ITIH6: variants seen among roughly 807,000 people sequenced by gnomAD.
ITIH6 encodes inter-alpha-trypsin inhibitor heavy chain H6.
In ITIH6, 60 loss-of-function variants were observed where a neutral mutation model predicts 58.2. The ratio of observed to expected loss-of-function variants is 1.03; its 90% CI spans 0.84 to 1.28. The LOEUF (loss-of-function observed/expected upper bound fraction) is 1.28, where lower values mean the gene tolerates loss of function less well. Among genes scored for constraint, ITIH6 ranks in the 50% most tolerant of loss-of-function variants. The pLI, the probability that ITIH6 is intolerant of heterozygous loss-of-function variation, is 0.00. For missense variants in ITIH6, 1,290 were observed against 1,021.1 expected, an observed-to-expected ratio of 1.26 and a Z score of -3.59; for synonymous variants, 493 against 417.4, an observed-to-expected ratio of 1.18 and a Z score of -2.21.
At chrX:54,783,025 T>C (rs143918904) in intron 5 of ITIH6, among the ~76,000 whole-genome samples, 383 of 112,570 alleles carry the variant, frequency 3.4e-3, no homozygotes, top group African/African-American at 0.012. Flanking sequence ...GATGCAAGGA[T>C]GGGTCAATAT....
intron 3 of ITIH6, 93 bp downstream of exon 3, chrX:54,791,833 G>C: frequency 1.9e-6 from 1 of 517,218 alleles, no homozygotes; most frequent in Non-Finnish European, 3.5e-6. Flanking sequence ...CCACTCTGCA[G>C]AGATGGAGAC....
At chrX:54,792,598 A>T (rs974176451) in intron 2 of ITIH6, among the ~76,000 whole-genome samples, 1 of 111,329 alleles carries the variant, frequency 9.0e-6, no homozygotes, top group Admixed American at 9.6e-5. Flanking sequence ...AAAGTGGTAA[A>T]AATTGTGAAA....
At chrX:54,751,681 G>C (rs977230971) in intron 11 of ITIH6, among the ~76,000 whole-genome samples, 7 of 112,135 alleles carry the variant, frequency 6.2e-5, no homozygotes, top group Non-Finnish European at 1.1e-4. Flanking sequence ...GGGCATATCA[G>C]TACATCTGCA....
At chrX:54,763,892 G>A (rs1316230259) in intron 6 of ITIH6, among the ~76,000 whole-genome samples, 1 of 111,999 alleles carries the variant, frequency 8.9e-6, no homozygotes. Context: ...TCTTCTTGGA[G>A]AATTTCCCCT....
chrX:54,776,095 G>C (rs1341837631), intron 5 of ITIH6, among the ~76,000 whole-genome samples: 1 of 110,864 alleles, frequency 9.0e-6, no homozygotes, highest in African/African-American at 3.3e-5. Flanking sequence ...GCTGAGGCAC[G>C]GTGGGCAAGA....
At chrX:54,791,290 C>T (rs1457224258) in intron 3 of ITIH6, among the ~76,000 whole-genome samples, 1 of 108,930 alleles carries the variant, frequency 9.2e-6, no homozygotes, top group Non-Finnish European at 1.9e-5. Context: ...ATTCAGCCTC[C>T]TAAATATTCT....
intron 6 of ITIH6, among the ~76,000 whole-genome samples, chrX:54,764,375 T>C (rs191537556): frequency 0.096 from 10,426 of 108,057 alleles, 1,324 homozygotes; most frequent in African/African-American, 0.34. Context: ...CGTCATCTAG[T>C]ATTAGGTATA....
intron 5 of ITIH6, among the ~76,000 whole-genome samples, chrX:54,778,194 T>A (rs957587044): frequency 6.8e-4 from 70 of 103,005 alleles, no homozygotes; most frequent in South Asian, 1.3e-3. Flanking sequence ...TGCACCAGAG[T>A]CTTTTTTTTT....
intron 6 of ITIH6, among the ~76,000 whole-genome samples, chrX:54,760,588 C>T (rs1928616052): frequency 9.0e-6 from 1 of 111,379 alleles, no homozygotes; most frequent in African/African-American, 3.3e-5. Context: ...ATCCTTCCCC[C>T]CGCCCCATGC....
chrX:54,780,586 A>G (rs1484905901), intron 5 of ITIH6, among the ~76,000 whole-genome samples: 1 of 111,942 alleles, frequency 8.9e-6, no homozygotes, highest in Admixed American at 9.5e-5. Context: ...TGTAAACAAC[A>G]TAATGATGCA....
chrX:54,781,330 A>G (rs908699024), intron 5 of ITIH6, among the ~76,000 whole-genome samples: 3 of 112,046 alleles, frequency 2.7e-5, no homozygotes, highest in Non-Finnish European at 5.6e-5. Context: ...CAAACTATGC[A>G]TCTGGCAAAG....
At chrX:54,756,304 T>C (rs1228676277) in intron 8 of ITIH6, among the ~76,000 whole-genome samples, 1 of 111,578 alleles carries the variant, frequency 9.0e-6, no homozygotes, top group African/African-American at 3.3e-5. Context: ...GACCAGATTG[T>C]ATGAGTTCAA....
intron 5 of ITIH6, among the ~76,000 whole-genome samples, chrX:54,780,680 A>G (rs1231220193): frequency 8.9e-6 from 1 of 111,742 alleles, no homozygotes; most frequent in Non-Finnish European, 1.9e-5. Flanking sequence ...GCACAAATAA[A>G]GAAATTGAAG....
Position 54,751,330 on chromosome X carries a change from T to C in ITIH6, c.3403A>G (p.Lys1135Glu). 8.3e-7 allele frequency: 1 copy of C among 1,211,854 alleles called. No individual in the cohort carries two copies. Among genetic ancestry groups the C allele is most frequent in the Non-Finnish European group, 1.1e-6 (1 of 895,428 alleles). The change falls in exon 12 of 13, where the codon AAG (lysine) becomes GAG (glutamate). Residue 1135 changes from lysine to glutamate, a missense_variant. By Grantham distance (56) the Lys-to-Glu change is moderately conservative (BLOSUM62 1). Coordinates refer to ENST00000218436, the MANE Select transcript of ITIH6 (RefSeq NM_198510.3). ...LLGAPPRPGHKDQTRTYFQII... is the reference protein window; with the variant it reads ...LLGAPPRPGHEDQTRTYFQII... ...TGGAAGTAGGTGCGAGTCTGGTCCT[T>C]GTGGCCCGGCCTTGGTGGTGCGCCA...
rs1928551692 is a variant in ITIH6, at chrX:54,758,295, G to T, written c.1779C>A (p.Leu593=). 5.0e-6 allele frequency: 6 copies of T among 1,211,633 alleles called. No homozygotes were observed. The highest frequency in any genetic ancestry group is 6.7e-6 in the Non-Finnish European group (6 of 895,250). Residue 593 remains leucine (L), a synonymous_variant, in exon 8 of 13, where the codon CTC becomes CTA. Coordinates refer to ENST00000218436, the MANE Select transcript of ITIH6 (RefSeq NM_198510.3). ...CAAAGTTGTATTCAAGGGACAGGTT[G>T]AGGACTTTGGCAGCCAGCAGGTGGC... ...TTRHLLAAKV[L]NLSLEYNFVT...
At chrX:54,761,026 A>G (rs1430508446) in intron 6 of ITIH6, among the ~76,000 whole-genome samples, 7 of 111,963 alleles carry the variant, frequency 6.3e-5, no homozygotes, top group Admixed American at 1.9e-4. Flanking sequence ...GTCTTCCACA[A>G]TGGTTGAACT....
In ITIH6 at chrX:54,753,916, G is replaced by A. The variant is rs377712611; in HGVS notation, c.3238+14C>T. The A allele has an allele frequency of 1.6e-4, 192 of 1,204,633 alleles. 1 individual carries two copies. The African/African-American group carries it at 3.1e-3, about 19-fold the overall frequency. On this transcript the variant is annotated intron_variant, in intron 10 of 12. Coordinates refer to ENST00000218436, the MANE Select transcript of ITIH6 (RefSeq NM_198510.3). Reference sequence around the variant, plus strand: ...TGTACTCAAACAGGGGAGCCATGGGGGTGACTGGCTTACCTGAGGAGGAGA... The same window carrying A: ...TGTACTCAAACAGGGGAGCCATGGGAGTGACTGGCTTACCTGAGGAGGAGA...
intron 6 of ITIH6, among the ~76,000 whole-genome samples, chrX:54,772,305 C>G (rs1445392100): frequency 8.9e-6 from 1 of 112,065 alleles, no homozygotes; most frequent in Non-Finnish European, 1.9e-5. Context: ...ATTGAACACA[C>G]ATGTACACAA....
chrX:54,776,136 C>T (rs1929046416), intron 5 of ITIH6, among the ~76,000 whole-genome samples: 1 of 109,963 alleles, frequency 9.1e-6, no homozygotes, highest in African/African-American at 3.3e-5. Context: ...AGGGAGAGTG[C>T]AGCTATTGTG....
Sources: gnomAD v4.1 joint callset for allele counts (sites outside exome capture counted in the v4.1 genomes callset) on GRCh38, gnomAD v4.1.1 for gene constraint, MANE v1.5 for transcripts, NCBI Gene and HGNC (gene_info 2026-07-23, HGNC 2026-07-21) for gene names.